RSPH3: variants seen among roughly 807,000 people sequenced by gnomAD.
The protein encoded by RSPH3 is radial spoke head 3, also known as radial spoke head protein 3 homolog.
Under a neutral mutation model 43.8 loss-of-function variants are expected in RSPH3, and 21 were observed. That is an observed-to-expected ratio of 0.48 (90% CI 0.34 to 0.69). The LOEUF is 0.69. Ranked by LOEUF, RSPH3 falls within the 30% of genes least tolerant of loss-of-function variation. The pLI, the probability that RSPH3 is intolerant of heterozygous loss-of-function variation, is 0.01. For missense variants in RSPH3, 487 were observed against 516.0 expected, an observed-to-expected ratio of 0.94 and a Z score of 0.54; for synonymous variants, 173 against 179.8, an observed-to-expected ratio of 0.96 and a Z score of 0.30.
At chr6:158,971,075 C>G (rs1411174263), downstream of RSPH3, among the ~76,000 whole-genome samples, 1 of 152,118 alleles carries the variant, frequency 6.6e-6, no homozygotes, top group Non-Finnish European at 1.5e-5. Flanking sequence ...CAGAGAGCTG[C>G]CACAGATGCC....
chr6:158,972,201 G>A (rs1344316183), downstream of RSPH3, among the ~76,000 whole-genome samples: 2 of 152,246 alleles, frequency 1.3e-5, no homozygotes, highest in East Asian at 3.9e-4. Flanking sequence ...AATGTTATTG[G>A]CTAAGCATCT....
chr6:158,974,066 A>C lies in RSPH3; in HGVS notation c.*3472T>G, dbSNP rs1777764441. 6.6e-6 allele frequency: 1 copy of C among 152,178 alleles called. No homozygotes were observed. The highest frequency in any genetic ancestry group is 2.1e-4 in the South Asian group (1 of 4,836). The allele number at this position is 152,178 out of a possible 1,614,324, so 9.4% of individuals were successfully genotyped here. On this transcript the variant is annotated 3_prime_UTR_variant, in exon 8 of 8. Transcript: ENST00000367069. ...GTGATCTGCCTGCCTTGGCCTCCCA[A>C]AGTGCTGGGATTATAGGCGTAAGCC... is the stretch of plus-strand genomic sequence containing the variant.
chr6:158,997,696 T>C (rs1778642154), intron 1 of RSPH3, among the ~76,000 whole-genome samples: 1 of 152,324 alleles, frequency 6.6e-6, no homozygotes, highest in South Asian at 2.1e-4. Context: ...TGAACCACCA[T>C]TGATTCTTGT....
chr6:158,968,597 T>C (rs1411292795), downstream of RSPH3, among the ~76,000 whole-genome samples: 1 of 152,150 alleles, frequency 6.6e-6, no homozygotes, highest in African/African-American at 2.4e-5. Flanking sequence ...ACAATTAACA[T>C]CTTAATTTAA....
chr6:158,965,282 A>G, the RSPH3 span, among the ~76,000 whole-genome samples: 1 of 152,054 alleles, frequency 6.6e-6, no homozygotes, highest in Non-Finnish European at 1.5e-5. Context: ...GTAATTCAAT[A>G]TGGGTTTTAG....
chr6:159,000,120 C>G lies in RSPH3; in HGVS notation c.-570G>C. 1 of 855,178 alleles carries G rather than the reference C, an allele frequency of 1.2e-6. No homozygotes were observed. The highest frequency in any genetic ancestry group is 3.4e-5 in the Admixed American group (1 of 29,824). 53.0% of individuals were successfully genotyped at this position (855,178 alleles called of 1,614,324 possible). On this transcript the variant is annotated 5_prime_UTR_variant, in exon 1 of 8. Transcript: ENST00000367069. Reference sequence around the variant, plus strand: ...CTCGGCTGTTTCTCCTGCCGCGGCGCAGCAGCGCTCCCAGGCTGCCCCCGC... The same window carrying G: ...CTCGGCTGTTTCTCCTGCCGCGGCGGAGCAGCGCTCCCAGGCTGCCCCCGC...
chr6:158,997,291 A>G (rs1418734773), intron 1 of RSPH3, among the ~76,000 whole-genome samples: 1 of 65,442 alleles, frequency 1.5e-5, no homozygotes, highest in African/African-American at 9.9e-5. Context: ...TTTTTTTTTG[A>G]GACAGAGTTT....
downstream of RSPH3, among the ~76,000 whole-genome samples, chr6:158,970,003 A>G (rs1777676568): frequency 1.3e-5 from 2 of 151,838 alleles, no homozygotes; most frequent in Admixed American, 1.3e-4. Flanking sequence ...AAAAATCTGG[A>G]CTTCCTTGGG....
chr6:158,984,256 C>G (rs1176666303), intron 3 of RSPH3, among the ~76,000 whole-genome samples: 1 of 151,362 alleles, frequency 6.6e-6, no homozygotes, highest in African/African-American at 2.4e-5. Flanking sequence ...AATGGGCTTA[C>G]CTCACATACT....
rs1777785059 is a variant in RSPH3, at chr6:158,974,859, GAGA to G, written c.*2676_*2678del. 1 of 138,332 alleles carries G rather than the reference GAGA, an allele frequency of 7.2e-6. No homozygotes were observed. The highest frequency in any genetic ancestry group is 1.6e-5 in the Non-Finnish European group (1 of 63,036). The allele number at this position is 138,332 out of a possible 1,614,324, so 8.6% of individuals were successfully genotyped here. A position where few individuals can be genotyped will look rare whatever the true frequency, so the allele number is the denominator to read the frequency against. ...ATCAATTTTAAGGTTTTTTTTTTTTGAGAAGGAGTCTCACTCTGTCTTCCAGGC... is the reference window on the plus strand; with the variant it reads ...ATCAATTTTAAGGTTTTTTTTTTTTGAGGAGTCTCACTCTGTCTTCCAGGC... On this transcript the variant is annotated 3_prime_UTR_variant, in exon 8 of 8. Transcript: ENST00000367069.
intron 5 of RSPH3, among the ~76,000 whole-genome samples, chr6:158,982,149 T>C (rs567282066): frequency 6.6e-6 from 1 of 152,352 alleles, no homozygotes; most frequent in East Asian, 1.9e-4. Flanking sequence ...CACTGACTTA[T>C]GGCAAACCAA....
downstream of RSPH3, among the ~76,000 whole-genome samples, chr6:158,970,907 T>G (rs1163656332): frequency 1.3e-5 from 2 of 152,168 alleles, no homozygotes; most frequent in Non-Finnish European, 2.9e-5. Context: ...ACTTTCAATT[T>G]TTTTTTGCCA....
downstream of RSPH3, among the ~76,000 whole-genome samples, chr6:158,968,198 G>C (rs1702595240): frequency 1.3e-5 from 2 of 151,854 alleles, no homozygotes; most frequent in Admixed American, 6.6e-5. Context: ...GTATCTTCCA[G>C]GAAAAGCTTT....
the RSPH3 span, among the ~76,000 whole-genome samples, chr6:158,966,637 CT>C: frequency 1.3e-5 from 2 of 151,922 alleles, no homozygotes; most frequent in Admixed American, 1.3e-4. Context: ...CCATAATAAT[CT>C]TTATTAACGT....
At position 158,989,046 on chromosome 6, in the gene RSPH3, GT is replaced by G. The variant is rs1554290243; in HGVS notation, c.205-2626del. Among the ~76,000 whole-genome samples the G allele has an allele frequency of 1.8e-4, 27 of 151,172 alleles. 1 individual carries two copies. In the South Asian group the frequency reaches 2.3e-3, roughly 13 times the overall value. ...TTTTTATTGGATATATTTTCTTAGA[GT>G]TTTTTTTTATCTTTTTTGAGACAGA... On this transcript the variant is annotated intron_variant, in intron 2 of 7. Transcript: ENST00000367069. This position sits in a 1 kb window ranked among gnomAD's most constrained non-coding sequence, Gnocchi z 4.3.
intron 3 of RSPH3, 109 bp downstream of exon 3, chr6:158,986,171 T>C (rs543782975): frequency 1.9e-6 from 2 of 1,035,942 alleles, no homozygotes; most frequent in South Asian, 3.2e-5. Context: ...CGGGGAAGTA[T>C]CAGAGAGCAC....
At chr6:158,995,793 G>C (rs1778572262) in intron 1 of RSPH3, among the ~76,000 whole-genome samples, 1 of 151,994 alleles carries the variant, frequency 6.6e-6, no homozygotes, top group Non-Finnish European at 1.5e-5. Context: ...TAGAGACGGG[G>C]TTTCACCGTG....
At chr6:158,990,196 T>C (rs138927142) in intron 2 of RSPH3, among the ~76,000 whole-genome samples, 30 of 152,238 alleles carry the variant, frequency 2.0e-4, no homozygotes, top group African/African-American at 5.5e-4. Context: ...TATATATATA[T>C]ATCTATTCCA....
intron 1 of RSPH3, among the ~76,000 whole-genome samples, chr6:158,998,955 C>A (rs1260269479): frequency 6.6e-6 from 1 of 152,156 alleles, no homozygotes; most frequent in Non-Finnish European, 1.5e-5. Flanking sequence ...AATAATCTTA[C>A]TCCTGCTCAA....
Sources: gnomAD v4.1 joint callset for allele counts (sites outside exome capture counted in the v4.1 genomes callset) on GRCh38, gnomAD v4.1.1 for gene constraint, Gnocchi (gnomAD v3.1) non-coding constraint, MANE v1.5 for transcripts, NCBI Gene and HGNC (gene_info 2026-07-23, HGNC 2026-07-21) for gene names.